Variants in ERO1B observed in about 807,000 individuals in gnomAD.
ERO1B encodes ERO1-like protein beta.
ERO1B carries 49 observed loss-of-function variants against 75.3 expected under a neutral mutation model. The observed-to-expected ratio is 0.65, with a 90% CI of 0.52 to 0.83. ERO1B has a LOEUF of 0.83. Among genes scored for constraint, ERO1B ranks in the 40% least tolerant of loss-of-function variants. The probability of loss-of-function intolerance (pLI) is 0.00; values close to 1 mark genes in which losing one functional copy is unlikely to be tolerated. For synonymous variants in ERO1B, 191 were observed against 192.9 expected (o/e 0.99, Z 0.08); for missense variants, 512 against 560.1 (o/e 0.91, Z 0.87).
At chr1:236,265,923 A>T (rs1665423875) in intron 2 of ERO1B, among the ~76,000 whole-genome samples, 1 of 152,214 alleles carries the variant, frequency 6.6e-6, no homozygotes, top group Non-Finnish European at 1.5e-5. Context: ...CAAATGTTAC[A>T]TTAGCATAAA....
At chr1:236,267,732 G>C (rs1377575822) in intron 2 of ERO1B, 1 of 152,210 alleles carries the variant, frequency 6.6e-6, no homozygotes, top group African/African-American at 2.4e-5. Context: ...AATGCACTTA[G>C]ATTTATAGAT....
At chr1:236,279,273 C>T (rs2812480) in intron 1 of ERO1B, among the ~76,000 whole-genome samples, 78,105 of 150,388 alleles carry the variant, frequency 0.52, 20,275 homozygotes, top group East Asian at 0.85. Context: ...GAGGCCAAGG[C>T]GGGTGGATTA....
intron 10 of ERO1B, 55 bp downstream of exon 10, chr1:236,230,169 A>C: frequency 7.2e-7 from 1 of 1,397,224 alleles, no homozygotes; most frequent in Non-Finnish European, 1.0e-6. Flanking sequence ...AAATATGCTA[A>C]ATAAATCAGT....
At chr1:236,264,099 A>G (rs1726670) in intron 2 of ERO1B, among the ~76,000 whole-genome samples, 48,250 of 151,818 alleles carry the variant, frequency 0.32, 8,291 homozygotes, top group East Asian at 0.78. Context: ...CTTTTTTCAT[A>G]TAACTACATT....
chr1:236,232,433 TTAAG>T (rs1242582049), intron 9 of ERO1B, among the ~76,000 whole-genome samples: 3 of 152,188 alleles, frequency 2.0e-5, no homozygotes, highest in Non-Finnish European at 4.4e-5. Context: ...CGTCATCAAA[TTAAG>T]TATTATATTG....
Position 236,235,822 on chromosome 1 carries a change from A to T in ERO1B, c.640T>A (p.Tyr214Asn), listed in dbSNP as rs777270098. Residue 214 changes from tyrosine to asparagine, a missense_variant, in exon 8 of 16, where the codon TAT becomes AAT. Coordinates refer to ENST00000354619, the MANE Select transcript of ERO1B (RefSeq NM_019891.4). The part of the protein sequence containing the change: ...EENCFKPRSV[Y>N]RPLNPLAPSR... ...GGCGCCAGAGGATTTAAAGGACGAT[A>T]AACAGATCGAGGCCTGAAAAAGAAA... The T allele has an allele frequency of 6.2e-7, 1 of 1,613,192 alleles. No homozygotes were observed. Among genetic ancestry groups the T allele is most frequent in the South Asian group, 1.1e-5 (1 of 90,800 alleles).
chr1:236,275,966 G>A (rs1430771250), intron 1 of ERO1B, among the ~76,000 whole-genome samples: 1 of 152,230 alleles, frequency 6.6e-6, no homozygotes, highest in African/African-American at 2.4e-5. Context: ...TTTAAGACAA[G>A]AGATGTCAGA....
At chr1:236,236,608 A>G (rs1664554407) in intron 6 of ERO1B, among the ~76,000 whole-genome samples, 1 of 152,216 alleles carries the variant, frequency 6.6e-6, no homozygotes, top group Non-Finnish European at 1.5e-5. Flanking sequence ...AGAGAAGAAA[A>G]AACAACTCTT....
At chr1:236,221,861 C>T in intron 14 of ERO1B, 63 bp downstream of exon 14, 2 of 1,227,376 alleles carry the variant, frequency 1.6e-6, no homozygotes, top group East Asian at 2.4e-5. Context: ...TAATAAAAAG[C>T]TTGGACTCAG....
chr1:236,262,681 G>A (rs755593207), intron 2 of ERO1B, among the ~76,000 whole-genome samples: 6 of 152,020 alleles, frequency 3.9e-5, no homozygotes, highest in Admixed American at 2.0e-4. Context: ...CTGGGATTAC[G>A]AGCGTGAGCC....
chr1:236,239,454 C>T (rs1275455749), intron 6 of ERO1B, among the ~76,000 whole-genome samples: 1 of 152,124 alleles, frequency 6.6e-6, no homozygotes, highest in Non-Finnish European at 1.5e-5. Context: ...AACCTCTGCT[C>T]TATACTGACA....
intron 1 of ERO1B, among the ~76,000 whole-genome samples, chr1:236,273,810 G>GAAAAAAAAAAAAAAAAAAAAAA: frequency 9.7e-6 from 1 of 102,732 alleles, no homozygotes; most frequent in Non-Finnish European, 2.1e-5. Context: ...TGTCTCAAAA[G>GAAAAAAAAAAAAAAAAAAAAAA]AAAAAAAAAA....
Position 236,220,885 on chromosome 1 carries a change from T to C in ERO1B, c.1290A>G (p.Lys430=), listed in dbSNP as rs1346188570. 6.2e-7 allele frequency: 1 copy of C among 1,603,424 alleles called. No homozygotes were observed. Among genetic ancestry groups the C allele is most frequent in the Non-Finnish European group, 8.5e-7 (1 of 1,175,120 alleles). Residue 430 remains lysine, a synonymous_variant, in exon 15 of 16, where the codon AAA becomes AAG. Coordinates refer to ENST00000354619, the MANE Select transcript of ERO1B (RefSeq NM_019891.4). ...IQKLPENSPS[K]GFQLTRQEIV... ...TTTCCTGTCGGGTGAGTTGGAAGCC[T>C]TTAGATGGACTATTCTCTGGAAGCT...
At chr1:236,264,006 T>C (rs564432973) in intron 2 of ERO1B, among the ~76,000 whole-genome samples, 4 of 152,086 alleles carry the variant, frequency 2.6e-5, no homozygotes, top group South Asian at 2.1e-4. Flanking sequence ...TATTGACTTT[T>C]TGTATATCAA....
At chr1:236,226,025 T>G (rs901353370) in intron 12 of ERO1B, among the ~76,000 whole-genome samples, 15 of 152,348 alleles carry the variant, frequency 9.8e-5, no homozygotes, top group African/African-American at 3.6e-4. Flanking sequence ...CTACATAAAA[T>G]TTAGTGATAT....
intron 6 of ERO1B, among the ~76,000 whole-genome samples, chr1:236,241,079 G>A (rs1432792579): frequency 6.6e-6 from 1 of 152,118 alleles, no homozygotes; most frequent in African/African-American, 2.4e-5. Flanking sequence ...TTGATCTATA[G>A]GGATCATCTT....
At chr1:236,239,727 C>T (rs1298054546) in intron 6 of ERO1B, among the ~76,000 whole-genome samples, 1 of 150,336 alleles carries the variant, frequency 6.7e-6, no homozygotes, top group Non-Finnish European at 1.5e-5. Flanking sequence ...TACAAAGCAG[C>T]TTCATAATTC....
intron 2 of ERO1B, among the ~76,000 whole-genome samples, chr1:236,259,492 T>A (rs1665241252): frequency 6.6e-6 from 1 of 152,160 alleles, no homozygotes; most frequent in Non-Finnish European, 1.5e-5. Context: ...ATATGCTGCT[T>A]ATAAAAGACT....
chr1:236,232,775 G>T, intron 9 of ERO1B, 53 bp downstream of exon 9: 1 of 1,533,706 alleles, frequency 6.5e-7, no homozygotes, highest in Non-Finnish European at 8.8e-7. Context: ...AATTCTGATT[G>T]TTACAAAAAA....
Sources: allele counts gnomAD v4.1 joint callset (sites outside exome capture counted in the v4.1 genomes callset), GRCh38; gene constraint gnomAD v4.1.1; transcripts MANE v1.5; gene names NCBI Gene and HGNC (gene_info 2026-07-23, HGNC 2026-07-21).